The following USH2A variants were observed in gnomAD, a reference collection of about 807,000 sequenced individuals.
The protein encoded by USH2A is Usher syndrome 2A (autosomal recessive, mild).
In USH2A, 443 loss-of-function variants were observed where a neutral mutation model predicts 538.9. The ratio of observed to expected loss-of-function variants is 0.82; its 90% CI spans 0.76 to 0.89. The LOEUF (loss-of-function observed/expected upper bound fraction) is 0.89, where lower values mean the gene tolerates loss of function less well. Ranked by LOEUF, USH2A falls within the 40% of genes least tolerant of loss-of-function variation. USH2A has a pLI of 0.00. For missense variants in USH2A, 6,633 were observed against 6,324.8 expected, an observed-to-expected ratio of 1.05 and a Z score of -1.65; for synonymous variants, 2,413 against 2,273.5, an observed-to-expected ratio of 1.06 and a Z score of -1.75.
chr1:215,814,639 TGAA>T (rs1354496863), intron 48 of USH2A, among the ~76,000 whole-genome samples: 1 of 152,082 alleles, frequency 6.6e-6, no homozygotes, highest in Non-Finnish European at 1.5e-5. Flanking sequence ...TGCCATCACA[TGAA>T]GAAGGTCCTT....
chr1:215,662,653 C>T (rs1229847198), intron 64 of USH2A, among the ~76,000 whole-genome samples: 1 of 152,158 alleles, frequency 6.6e-6, no homozygotes, highest in Non-Finnish European at 1.5e-5. Flanking sequence ...GTCCCAGTGG[C>T]CTTCAGTCTA....
rs1661246734 is a variant in USH2A at position 215,770,502 on chromosome 1, G to T, written c.10940-3714C>A. ...AAATACCCAACAGACAAAACTCAGGGTGTTTTTGTTTTTGTTGGTCTGTTT... is the reference window on the plus strand; with the variant it reads ...AAATACCCAACAGACAAAACTCAGGTTGTTTTTGTTTTTGTTGGTCTGTTT... On this transcript the variant is annotated intron_variant, in intron 55 of 71. Transcript: ENST00000307340. 5.3e-5 allele frequency among the ~76,000 whole-genome samples: 8 copies of T among 152,016 alleles called. 1 individual carries two copies. In the South Asian group the frequency reaches 1.7e-3, roughly 31 times the overall value.
At chr1:216,418,782 G>A (rs140955670) in intron 2 of USH2A, 103 bp from the exon 3 acceptor site, 1 of 1,255,708 alleles carries the variant, frequency 8.0e-7, no homozygotes, top group Non-Finnish European at 1.2e-6. Context: ...CTCAAACTTT[G>A]CTCAAAATGG....
intron 38 of USH2A, among the ~76,000 whole-genome samples, chr1:215,912,490 TGTGTATATATATATATATATAC>T (rs1665825075): frequency 6.1e-5 from 2 of 32,602 alleles, no homozygotes; most frequent in African/African-American, 1.2e-4. Context: ...TATATATATA[TGTGTATATATATATATATATAC>T]GTGTATATAT....
At chr1:216,352,023 T>C (rs2038297031) in intron 4 of USH2A, among the ~76,000 whole-genome samples, 1 of 152,084 alleles carries the variant, frequency 6.6e-6, no homozygotes, top group African/African-American at 2.4e-5. Flanking sequence ...AAAAAGTAAG[T>C]TTAATTTTGA....
intron 35 of USH2A, among the ~76,000 whole-genome samples, chr1:215,978,521 A>G (rs1004702932): frequency 1.3e-5 from 2 of 152,232 alleles, no homozygotes; most frequent in African/African-American, 4.8e-5. Flanking sequence ...AAAGTACTAT[A>G]CTTGGTATTT....
At chr1:216,398,107 A>T (rs528460260) in intron 3 of USH2A, among the ~76,000 whole-genome samples, 4 of 152,228 alleles carry the variant, frequency 2.6e-5, no homozygotes, top group African/African-American at 9.6e-5. Flanking sequence ...TTTAAATACA[A>T]TAAGGAGCTT....
chr1:215,983,730 G>A (rs781053601), intron 35 of USH2A, among the ~76,000 whole-genome samples: 4 of 152,140 alleles, frequency 2.6e-5, no homozygotes, highest in Non-Finnish European at 5.9e-5. Flanking sequence ...CAACTCAAAT[G>A]GCATGGAAAA....
In USH2A at chr1:215,817,143, C is replaced by A. The variant is rs397518048; in HGVS notation, c.9424G>T (p.Gly3142Ter). The A allele has an allele frequency of 8.7e-6, 14 of 1,612,630 alleles. No homozygotes were observed. The highest frequency in any genetic ancestry group is 1.7e-5 in the Admixed American group (1 of 59,874). Reference protein sequence around the residue: ...SPRKPNGIILGYDLLWKTWYP... With the variant: ...SPRKPNGIIL ...CATGTTTTCCATAGGAGATCATATC[C>A]AAGAATGATGCCATTTGGCTTCCGT... Residue 3142 changes from glycine (G) to a stop codon, truncating the protein, a stop_gained, in exon 48 of 72, where the codon GGA (glycine) becomes TGA (stop). Transcript: ENST00000307340. LOFTEE classifies it high-confidence loss of function.
chr1:216,150,109 C>T (rs1015636025), intron 21 of USH2A, among the ~76,000 whole-genome samples: 51 of 152,044 alleles, frequency 3.4e-4, no homozygotes, highest in African/African-American at 1.1e-3. Context: ...GGCCGAGCCC[C>T]AAAAAACTAG....
chr1:216,390,354 C>A (rs534836960), intron 3 of USH2A, among the ~76,000 whole-genome samples: 1 of 152,068 alleles, frequency 6.6e-6, no homozygotes, highest in East Asian at 1.9e-4. Flanking sequence ...CCTTAAATTT[C>A]CCACCCAGCA....
At position 216,136,647 on chromosome 1, in the gene USH2A, T is replaced by A. The variant is rs547792138; in HGVS notation, c.4627+38605A>T. Among the ~76,000 whole-genome samples, 4 of 152,274 alleles carry A rather than the reference T, an allele frequency of 2.6e-5. No individual in the cohort carries two copies. The East Asian group carries it at 5.8e-4, about 22-fold the overall frequency. On this transcript the variant is annotated intron_variant, in intron 21 of 71. Transcript: ENST00000307340. ...ATGACCTTATTTGGAAATAGGGATT[T>A]TGCAGATGTAATAAATTAAAATGAA...
At chr1:216,256,834 G>T (rs2036268278) in intron 11 of USH2A, among the ~76,000 whole-genome samples, 2 of 151,964 alleles carry the variant, frequency 1.3e-5, no homozygotes, top group Admixed American at 6.6e-5. Flanking sequence ...AAGGTTTTTG[G>T]TCAATGGTAG....
intron 44 of USH2A, among the ~76,000 whole-genome samples, chr1:215,865,191 A>T (rs1020537294): frequency 1.3e-5 from 2 of 152,168 alleles, no homozygotes; most frequent in Admixed American, 1.3e-4. Context: ...CAAAAGAAGA[A>T]AATGATAATG....
At chr1:216,085,719 A>AGTGTGTGT (rs140742468) in intron 24 of USH2A, among the ~76,000 whole-genome samples, 3,031 of 143,664 alleles carry the variant, frequency 0.021, 69 homozygotes, top group African/African-American at 0.052. Context: ...TGTGTACGTG[A>AGTGTGTGT]GTGTGTGTGT....
intron 9 of USH2A, among the ~76,000 whole-genome samples, chr1:216,321,617 CAAA>C (rs1553250378): frequency 6.6e-6 from 1 of 151,818 alleles, no homozygotes; most frequent in Non-Finnish European, 1.5e-5. Context: ...GCTGATGAAA[CAAA>C]GAAAGAAAAA....
At chr1:216,361,488 A>G (rs2038489536) in intron 4 of USH2A, among the ~76,000 whole-genome samples, 1 of 152,124 alleles carries the variant, frequency 6.6e-6, no homozygotes, top group Admixed American at 6.6e-5. Context: ...AGAAGACCAT[A>G]TTTGCTATCA....
At chr1:216,075,599 G>A (rs1286814380) in intron 27 of USH2A, among the ~76,000 whole-genome samples, 2 of 152,108 alleles carry the variant, frequency 1.3e-5, no homozygotes, top group East Asian at 1.9e-4. Context: ...GGCTTGGCAG[G>A]CCTGCTAAAT....
rs182126880 is a variant in USH2A, at chr1:216,294,557, C to T, written c.1645-2187G>A. Reference sequence around the variant, plus strand: ...TTTTTTTCCATTTTATTTTGGGGATCGGGAGTGGATATATATCTAAGTATT... The same window carrying T: ...TTTTTTTCCATTTTATTTTGGGGATTGGGAGTGGATATATATCTAAGTATT... On this transcript the variant is annotated intron_variant, in intron 9 of 71. Transcript: ENST00000307340. Among the ~76,000 whole-genome samples the T allele has an allele frequency of 6.9e-4, 104 of 150,302 alleles. 2 individuals are homozygous for T. The highest frequency in any genetic ancestry group is 2.5e-3 in the African/African-American group (101 of 40,972).
Sources: allele counts gnomAD v4.1 joint callset (sites outside exome capture counted in the v4.1 genomes callset), GRCh38; gene constraint gnomAD v4.1.1; transcripts MANE v1.5; gene names NCBI Gene and HGNC (gene_info 2026-07-23, HGNC 2026-07-21).